Variants in CHD5 observed in about 807,000 individuals in gnomAD.
CHD5 encodes ATP-dependent chromatin remodeler CHD5.
CHD5 carries 69 observed loss-of-function variants against 230.3 expected under a neutral mutation model. The ratio of observed to expected loss-of-function variants is 0.30; its 90% CI spans 0.25 to 0.37. CHD5 has a LOEUF of 0.37. CHD5 is among the 10% of genes least tolerant of loss of function. The pLI, the probability that CHD5 is intolerant of heterozygous loss-of-function variation, is 1.00. For synonymous variants in CHD5, 1,064 were observed against 1,065.9 expected (o/e 1.00, Z 0.03); for missense variants, 1,827 against 2,622.8 (o/e 0.70, Z 6.63).
At position 6,130,362 on chromosome 1, in the gene CHD5, G is replaced by T. The variant is rs755385910; in HGVS notation, c.3263-34C>A. 16 of 1,605,508 alleles carry T rather than the reference G, an allele frequency of 1.0e-5. No homozygotes were observed. Among genetic ancestry groups the T allele is most frequent in the East Asian group, 2.2e-5 (1 of 44,748 alleles). The stretch of plus-strand genomic sequence containing the variant: ...GAGAGGCCAGCAGATGGGAGTGTTT[G>T]GGGGGGTACACCTTGGGTGGGCAGA... On this transcript the variant is annotated intron_variant, in intron 21 of 41. Transcript: ENST00000262450. This position sits in a 1 kb window ranked among gnomAD's most constrained non-coding sequence, Gnocchi z 4.9.
rs994900201 is a variant in CHD5, at chr1:6,105,616, C to A, written c.*47-189G>T. Among the ~76,000 whole-genome samples the A allele has an allele frequency of 2.6e-5, 4 of 152,198 alleles. No homozygotes were observed. The highest frequency in any genetic ancestry group is 5.9e-5 in the Non-Finnish European group (4 of 68,022). ...GCTACACCCAGAGTGCCGAGAGCAC[C>A]CAGGAAGCAGCAGTGGGCAGGGGCA... On this transcript the variant is annotated intron_variant, in intron 41 of 41. Coordinates refer to ENST00000262450, the MANE Select transcript of CHD5 (RefSeq NM_015557.3). The surrounding 1 kb of genome is among the most constrained non-coding windows in gnomAD (Gnocchi z 4.8).
chr1:6,163,108 G>C (rs1265870512), intron 2 of CHD5, among the ~76,000 whole-genome samples: 2 of 152,218 alleles, frequency 1.3e-5, no homozygotes, highest in Non-Finnish European at 1.5e-5. Context: ...GTCCGCTCAG[G>C]GTTAAGTGGC....
rs528291126 is a variant in CHD5, at chr1:6,179,565, G to T, written c.79+380C>A. 7.9e-5 allele frequency among the ~76,000 whole-genome samples: 12 copies of T among 151,428 alleles called. No individual in the cohort carries two copies. In the East Asian group the frequency reaches 2.3e-3, roughly 30 times the overall value. ...CCAGAGGCGCACGGCGGCGGGACGC[G>T]AGCGCGGGGTGCGCCGCTCCGGGAG... On this transcript the variant is annotated intron_variant, in intron 1 of 41. Transcript: ENST00000262450.
chr1:6,159,860 G>A (rs900045728), intron 2 of CHD5, among the ~76,000 whole-genome samples: 2 of 152,258 alleles, frequency 1.3e-5, no homozygotes, highest in African/African-American at 4.8e-5. Context: ...CTCAGGCTCC[G>A]CTTCAGTCAT....
At chr1:6,174,651 GA>G (rs1667392166) in intron 1 of CHD5, among the ~76,000 whole-genome samples, 1 of 151,458 alleles carries the variant, frequency 6.6e-6, no homozygotes, top group South Asian at 2.1e-4. Flanking sequence ...GATGGATGAT[GA>G]ATTGATGGAT....
chr1:6,169,924 G>A (rs1432901322), intron 1 of CHD5, among the ~76,000 whole-genome samples: 2 of 152,108 alleles, frequency 1.3e-5, no homozygotes, highest in East Asian at 3.9e-4. Flanking sequence ...TGTGACAGTG[G>A]AGACACAACA....
At position 6,134,250 on chromosome 1, in the gene CHD5, C is replaced by T; in HGVS notation, c.3022G>A (p.Val1008Ile). The change falls in exon 20 of 42, where the codon GTC (valine) becomes ATC (isoleucine). Residue 1008 changes from valine to isoleucine, a missense_variant. This residue lies in a region of CHD5 where 38 missense variants were observed against 49.5 expected (regional missense o/e 0.77). Coordinates refer to ENST00000262450, the MANE Select transcript of CHD5 (RefSeq NM_015557.3). This position sits in a 1 kb window ranked among gnomAD's most constrained non-coding sequence, Gnocchi z 6.3. ...CCATCGTAGGAGCCATTGGGCAAGA[C>T]AGGGGCCTCCTGCAGACACAGCAGG... ...LFPVAAVEAPVLPNGSYDGSS... is the reference protein window; with the variant it reads ...LFPVAAVEAPILPNGSYDGSS... The T allele has an allele frequency of 6.2e-7, 1 of 1,613,190 alleles. No homozygotes were observed.
Position 6,142,951 on chromosome 1 carries a change from A to C in CHD5, c.2044-346T>G, listed in dbSNP as rs765503691. On this transcript the variant is annotated intron_variant, in intron 13 of 41. Coordinates refer to ENST00000262450, the MANE Select transcript of CHD5 (RefSeq NM_015557.3). The surrounding 1 kb of genome is among the most constrained non-coding windows in gnomAD (Gnocchi z 5.2). ...TCTTGAGTACCACACAGTGCCTGGG[A>C]CATGTGGTCACTTACTCACCATTTT... is the stretch of plus-strand genomic sequence containing the variant. Among the ~76,000 whole-genome samples the C allele has an allele frequency of 1.3e-5, 2 of 152,214 alleles. No homozygotes were observed. The highest frequency in any genetic ancestry group is 2.9e-5 in the Non-Finnish European group (2 of 68,048).
chr1:6,124,375 CA>C (rs1666519476), intron 30 of CHD5, 141 bp downstream of exon 30: 2 of 964,652 alleles, frequency 2.1e-6, no homozygotes, highest in Non-Finnish European at 3.2e-6. Flanking sequence ...CTTTCCAGGT[CA>C]GTCCCTCTGG....
chr1:6,105,685 G>A lies in CHD5; in HGVS notation c.*47-258C>T, dbSNP rs1666151099. ...CTGGAGCCTCCTCCAGCAAGACACG[G>A]TTCCCACAGGGACAGACACAGCGTA... On this transcript the variant is annotated intron_variant, in intron 41 of 41. Transcript: ENST00000262450. This position sits in a 1 kb window ranked among gnomAD's most constrained non-coding sequence, Gnocchi z 4.8. Among the ~76,000 whole-genome samples the A allele has an allele frequency of 6.6e-6, 1 of 152,220 alleles. No homozygotes were observed. Among genetic ancestry groups the A allele is most frequent in the East Asian group, 1.9e-4 (1 of 5,192 alleles).
rs1030423051 is a variant in CHD5, at chr1:6,130,405, C to G, written c.3263-77G>C. ...TGGGCAGAAAGGATGGGGGAGAGAA[C>G]AGAGAGAAGGAACTGCAGCAACAGA... On this transcript the variant is annotated intron_variant, in intron 21 of 41. Coordinates refer to ENST00000262450, the MANE Select transcript of CHD5 (RefSeq NM_015557.3). The surrounding 1 kb of genome is among the most constrained non-coding windows in gnomAD (Gnocchi z 4.9). 2 of 1,352,338 alleles carry G rather than the reference C, an allele frequency of 1.5e-6. No homozygotes were observed. Among genetic ancestry groups the G allele is most frequent in the African/African-American group, 2.9e-5 (2 of 69,672 alleles). 83.8% of individuals were successfully genotyped at this position (1,352,338 alleles called of 1,614,324 possible).
chr1:6,158,734 G>A (rs543973202), intron 3 of CHD5, among the ~76,000 whole-genome samples: 7 of 152,272 alleles, frequency 4.6e-5, no homozygotes, highest in African/African-American at 9.6e-5. Context: ...GAGGCCGGGC[G>A]CGGTGGCTCA....
At position 6,130,081 on chromosome 1, in the gene CHD5, G is replaced by T; in HGVS notation, c.3387+123C>A. On this transcript the variant is annotated intron_variant, in intron 22 of 41. Transcript: ENST00000262450. The surrounding 1 kb of genome is among the most constrained non-coding windows in gnomAD (Gnocchi z 4.9). ...CTTGGGGCCGAGACTCCACGGGGGA[G>T]GGAGGCCCACAGCACCAGGATAGGT... 8.7e-7 allele frequency: 1 copy of T among 1,147,428 alleles called. No individual in the cohort carries two copies. The highest frequency in any genetic ancestry group is 1.3e-6 in the Non-Finnish European group (1 of 791,572). 71.1% of individuals were successfully genotyped at this position (1,147,428 alleles called of 1,614,324 possible). A position where few individuals can be genotyped will look rare whatever the true frequency, so the allele number is the denominator to read the frequency against.
intron 33 of CHD5, among the ~76,000 whole-genome samples, chr1:6,118,681 A>G (rs1180075884): frequency 6.6e-6 from 1 of 150,862 alleles, no homozygotes; most frequent in African/African-American, 2.5e-5. Context: ...TACTAAAAAT[A>G]ACAAATGGTA....
intron 18 of CHD5, 151 bp from the exon 19 acceptor site, chr1:6,135,010 G>A: frequency 9.1e-7 from 1 of 1,103,836 alleles, no homozygotes; most frequent in Non-Finnish European, 1.3e-6. Context: ...CCGGCCTGGA[G>A]TCCCCCTGCA....
At position 6,146,787 on chromosome 1, in the gene CHD5, C is replaced by G. The variant is rs1666918978; in HGVS notation, c.1468G>C (p.Gly490Arg). Residue 490 changes from glycine to arginine, a missense_variant, in exon 10 of 42, where the codon GGG becomes CGG. Coordinates refer to ENST00000262450, the MANE Select transcript of CHD5 (RefSeq NM_015557.3). The surrounding 1 kb of genome is among the most constrained non-coding windows in gnomAD (Gnocchi z 5.1). ...PPAPFMVGLP[G>R]PDVEPSLPPP... ...GGGAGGCTGGGCTCCACGTCAGGCC[C>G]CGGCAGCCCCACCATGAAGGGGGCA... The G allele has an allele frequency of 1.3e-6, 2 of 1,596,950 alleles. No individual in the cohort carries two copies. Among genetic ancestry groups the G allele is most frequent in the African/African-American group, 2.7e-5 (2 of 74,722 alleles).
In CHD5 at chr1:6,136,122, G is replaced by A. The variant is rs79545495; in HGVS notation, c.2696+395C>T. On this transcript the variant is annotated intron_variant, in intron 17 of 41. Coordinates refer to ENST00000262450, the MANE Select transcript of CHD5 (RefSeq NM_015557.3). ...CAGGCAAGTGGAGGTAGGTGAAGATGAGGGGGATGGGGCGGTGGGCTCCGG... is the reference window on the plus strand; with the variant it reads ...CAGGCAAGTGGAGGTAGGTGAAGATAAGGGGGATGGGGCGGTGGGCTCCGG... 3.7e-3 allele frequency among the ~76,000 whole-genome samples: 569 copies of A among 152,298 alleles called. 7 individuals are homozygous for A. Among genetic ancestry groups the A allele is most frequent in the African/African-American group, 0.013 (546 of 41,562 alleles).
chr1:6,169,070 A>G (rs191707342), intron 1 of CHD5, among the ~76,000 whole-genome samples: 1 of 152,066 alleles, frequency 6.6e-6, no homozygotes, highest in East Asian at 1.9e-4. Flanking sequence ...GGGACACTCA[A>G]GCCCCAAACC....
In CHD5 at chr1:6,125,283, G is replaced by T; in HGVS notation, c.4261-50C>A. 1.3e-6 allele frequency: 2 copies of T among 1,540,246 alleles called. No individual in the cohort carries two copies. Among genetic ancestry groups the T allele is most frequent in the Non-Finnish European group, 1.8e-6 (2 of 1,139,626 alleles). ...TGAGCCCAGGACAGAGAGGGGTGGG[G>T]GTGGAGGATTCTGGGATGGGGGAAG... is the stretch of plus-strand genomic sequence containing the variant. On this transcript the variant is annotated intron_variant, in intron 28 of 41. Transcript: ENST00000262450. The surrounding 1 kb of genome is among the most constrained non-coding windows in gnomAD (Gnocchi z 6.7).
Sources: allele counts gnomAD v4.1 joint callset (sites outside exome capture counted in the v4.1 genomes callset), GRCh38; gene constraint gnomAD v4.1.1; regional missense constraint gnomAD v4.1.1; non-coding constraint Gnocchi (gnomAD v3.1); transcripts MANE v1.5; gene names NCBI Gene and HGNC (gene_info 2026-07-23, HGNC 2026-07-21).